Variants in ZNF420 observed in about 807,000 individuals in gnomAD.
ZNF420 encodes ATM and p53-associated KZNF protein.
In ZNF420, 31 loss-of-function variants were observed where a neutral mutation model predicts 44.7. The ratio of observed to expected loss-of-function variants is 0.69; its 90% CI spans 0.52 to 0.94. The LOEUF is 0.94. ZNF420 is among the 40% of genes least tolerant of loss of function. ZNF420 has a pLI of 0.00. For missense variants in ZNF420, 681 were observed against 827.9 expected (o/e 0.82, Z 2.18); for synonymous variants, 245 against 267.4 (o/e 0.92, Z 0.82).
intron 1 of ZNF420, among the ~76,000 whole-genome samples, chr19:37,073,236 T>C (rs1968088950): frequency 1.3e-5 from 2 of 152,188 alleles, no homozygotes; most frequent in Non-Finnish European, 2.9e-5. Context: ...ACTGACATAA[T>C]ACTGCGTAAA....
At chr19:37,104,069 G>T (rs1969934228) in intron 4 of ZNF420, among the ~76,000 whole-genome samples, 1 of 150,004 alleles carries the variant, frequency 6.7e-6, no homozygotes. Context: ...CCATGTTGGT[G>T]TACTGCACCC....
At chr19:37,009,654 A>C (rs1026924110) in intron 1 of ZNF420, among the ~76,000 whole-genome samples, 1 of 152,144 alleles carries the variant, frequency 6.6e-6, no homozygotes, top group South Asian at 2.1e-4. Context: ...CCTCCCAGGG[A>C]GGAGGGAGGC....
At chr19:37,112,514 C>T (rs1031947497) in intron 4 of ZNF420, among the ~76,000 whole-genome samples, 2 of 152,080 alleles carry the variant, frequency 1.3e-5, no homozygotes, top group East Asian at 1.9e-4. Context: ...TTTTGGCCAC[C>T]GATTGAAAGC....
intron 1 of ZNF420, among the ~76,000 whole-genome samples, chr19:37,021,600 CAG>C: frequency 6.6e-6 from 1 of 152,212 alleles, no homozygotes; most frequent in East Asian, 1.9e-4. Flanking sequence ...GGTTACTGGT[CAG>C]AGTTTCCCAA....
chr19:37,107,780 G>C (rs1970176961), intron 4 of ZNF420: 1 of 152,102 alleles, frequency 6.6e-6, no homozygotes, highest in African/African-American at 2.4e-5. Flanking sequence ...CAAGTGACAG[G>C]GTTAAGATTT....
At chr19:37,089,337 ATTG>A (rs1338952439) in intron 3 of ZNF420, among the ~76,000 whole-genome samples, 1 of 152,192 alleles carries the variant, frequency 6.6e-6, no homozygotes, top group African/African-American at 2.4e-5. Flanking sequence ...CAATATGTAT[ATTG>A]TTCAGTAATC....
At chr19:37,113,371 T>C (rs1424902942) in intron 4 of ZNF420, among the ~76,000 whole-genome samples, 1 of 152,238 alleles carries the variant, frequency 6.6e-6, no homozygotes, top group Non-Finnish European at 1.5e-5. Context: ...AGTCCCGTTA[T>C]TGCTTGAGCG....
chr19:37,128,208 T>G lies in ZNF420; in HGVS notation c.1217T>G (p.Leu406Arg), dbSNP rs1346443753. The G allele has an allele frequency of 6.2e-7, 1 of 1,614,084 alleles. No individual in the cohort carries two copies. The highest frequency in any genetic ancestry group is 1.3e-5 in the African/African-American group (1 of 75,016). The change falls in exon 5 of 5, where the codon CTT becomes CGT. Residue 406 changes from leucine to arginine, a missense_variant. Around this residue, in one of 3 missense-constraint regions of ZNF420, gnomAD observed 51 missense variants for 106.8 expected, o/e 0.48. Transcript: ENST00000337995. ...AAGATGTTTAGTCATGGCTCACAAC[T>G]TACTCAACATCAGAGAATACACACT... Reference protein sequence around the residue: ...CGKMFSHGSQLTQHQRIHTGE... With the variant: ...CGKMFSHGSQRTQHQRIHTGE...
intron 1 of ZNF420, among the ~76,000 whole-genome samples, chr19:37,011,203 G>C (rs895438690): frequency 2.6e-5 from 4 of 152,174 alleles, no homozygotes; most frequent in Non-Finnish European, 4.4e-5. Flanking sequence ...GGAGAAAGTG[G>C]TGATCCGTGT....
intron 2 of ZNF420, among the ~76,000 whole-genome samples, chr19:37,080,956 C>G (rs920694637): frequency 1.3e-5 from 2 of 150,334 alleles, no homozygotes; most frequent in Admixed American, 6.7e-5. Context: ...ACTCGGGAGA[C>G]TGAGGCAGGA....
chr19:37,027,313 G>C (rs141342457), intron 1 of ZNF420, among the ~76,000 whole-genome samples: 43 of 152,292 alleles, frequency 2.8e-4, no homozygotes, highest in African/African-American at 9.4e-4. Flanking sequence ...CAGAAAAACA[G>C]AGCAGAAGGC....
intron 1 of ZNF420, among the ~76,000 whole-genome samples, chr19:37,042,734 T>G (rs1461166831): frequency 6.6e-6 from 1 of 152,184 alleles, no homozygotes; most frequent in African/African-American, 2.4e-5. Context: ...TAATTTCCTT[T>G]GAGAACTTTT....
intron 4 of ZNF420, among the ~76,000 whole-genome samples, chr19:37,122,368 A>G (rs559338366): frequency 9.9e-5 from 15 of 152,142 alleles, no homozygotes; most frequent in Admixed American, 9.8e-4. Flanking sequence ...CAAGGACAGA[A>G]AACCAAACAC....
intron 4 of ZNF420, among the ~76,000 whole-genome samples, chr19:37,098,990 G>T (rs1201396638): frequency 6.6e-6 from 1 of 152,068 alleles, no homozygotes; most frequent in Non-Finnish European, 1.5e-5. Context: ...CTTCATCCAA[G>T]TTGTCAAAAA....
chr19:37,067,054 A>G (rs919702503), intron 1 of ZNF420, among the ~76,000 whole-genome samples: 2 of 152,246 alleles, frequency 1.3e-5, no homozygotes, highest in Non-Finnish European at 2.9e-5. Context: ...CAAAAAACAC[A>G]TATTTCAATC....
intron 1 of ZNF420, among the ~76,000 whole-genome samples, chr19:37,046,018 C>T (rs1465926630): frequency 2.0e-5 from 3 of 152,168 alleles, no homozygotes; most frequent in Non-Finnish European, 2.9e-5. Flanking sequence ...CCCATCAGAT[C>T]TCATGAGACT....
intron 3 of ZNF420, among the ~76,000 whole-genome samples, chr19:37,089,643 A>G (rs57427270): frequency 0.015 from 2,238 of 152,306 alleles, 23 homozygotes; most frequent in African/African-American, 0.028. Context: ...ATTCGACATT[A>G]TGTGCTGGTC....
chr19:37,106,231 G>C (rs1313763723), intron 4 of ZNF420, among the ~76,000 whole-genome samples: 23 of 152,312 alleles, frequency 1.5e-4, no homozygotes, highest in Non-Finnish European at 4.4e-5. Context: ...ATGAAGGGCT[G>C]TTGAATTTTG....
chr19:37,127,143 G>A lies in ZNF420; in HGVS notation c.152G>A (p.Cys51Tyr), dbSNP rs182477622. 1.3e-4 allele frequency: 202 copies of A among 1,496,708 alleles called. 1 individual carries two copies. In the East Asian group the frequency reaches 4.2e-3, roughly 31 times the overall value. The allele number at this position is 1,496,708 out of a possible 1,614,324, so 92.7% of individuals were successfully genotyped here. A position where few individuals can be genotyped will look rare whatever the true frequency, so the allele number is the denominator to read the frequency against. Reference sequence around the variant, plus strand: ...TATCTTTCAGACTTGCCTTCAAGGTGTGCAAGTAAGGACTTATCTCCAGAA... The same window carrying A: ...TATCTTTCAGACTTGCCTTCAAGGTATGCAAGTAAGGACTTATCTCCAGAA... ...NLVSLDLPSR[C>Y]ASKDLSPEKN... The change falls in exon 5 of 5, where the codon TGT becomes TAT. Residue 51 changes from cysteine (C) to tyrosine (Y), a missense_variant. By Grantham distance (194) the Cys-to-Tyr change is radical. Transcript: ENST00000337995.
Sources: allele counts gnomAD v4.1 joint callset (sites outside exome capture counted in the v4.1 genomes callset), GRCh38; gene constraint gnomAD v4.1.1; regional missense constraint gnomAD v4.1.1; transcripts MANE v1.5; gene names NCBI Gene and HGNC (gene_info 2026-07-23, HGNC 2026-07-21).